The following CTSO variants were observed in gnomAD, a reference collection of about 807,000 sequenced individuals.
CTSO encodes the protein cathepsin O.
CTSO carries 40 observed loss-of-function variants against 42.4 expected under a neutral mutation model. That is an observed-to-expected ratio of 0.94 (90% CI 0.73 to 1.23). The LOEUF (loss-of-function observed/expected upper bound fraction) is 1.23, where lower values mean the gene tolerates loss of function less well. Ranked by LOEUF, CTSO falls within the 50% of genes most tolerant of loss-of-function variation. CTSO has a pLI of 0.00. For synonymous variants in CTSO, 156 were observed against 146.2 expected (o/e 1.07, Z -0.48); for missense variants, 441 against 396.0 (o/e 1.11, Z -0.96).
At chr4:155,953,680 G>T (rs1442803446) in intron 1 of CTSO, 33 bp downstream of exon 1, 1 of 1,255,054 alleles carries the variant, frequency 8.0e-7, no homozygotes, top group South Asian at 3.2e-5. Context: ...TGAGGGAGCA[G>T]GGACAGATCC....
At chr4:155,951,752 G>A (rs1743677579) in intron 1 of CTSO, among the ~76,000 whole-genome samples, 1 of 152,028 alleles carries the variant, frequency 6.6e-6, no homozygotes, top group African/African-American at 2.4e-5. Flanking sequence ...GAAGTTTCAC[G>A]GTTACCAAGG....
intron 3 of CTSO, among the ~76,000 whole-genome samples, chr4:155,939,897 A>C (rs1673972871): frequency 6.6e-6 from 1 of 152,086 alleles, no homozygotes; most frequent in African/African-American, 2.4e-5. Context: ...TTTCTTCTGG[A>C]GAGTGTGTGC....
At chr4:155,948,071 T>TTG (rs1553960508) in intron 1 of CTSO, among the ~76,000 whole-genome samples, 1 of 151,478 alleles carries the variant, frequency 6.6e-6, no homozygotes, top group Non-Finnish European at 1.5e-5. Context: ...TCACCTTTTT[T>TTG]TTGTTGTTGT....
At chr4:155,950,848 C>T (rs1743659836) in intron 1 of CTSO, among the ~76,000 whole-genome samples, 1 of 65,986 alleles carries the variant, frequency 1.5e-5, no homozygotes, top group African/African-American at 4.1e-5. Context: ...ATCCTCCTCA[C>T]CCCACCCCCA....
intron 5 of CTSO, among the ~76,000 whole-genome samples, chr4:155,933,465 A>C (rs926883089): frequency 7.9e-5 from 12 of 152,262 alleles, no homozygotes; most frequent in African/African-American, 2.9e-4. Flanking sequence ...AGATTGGGGC[A>C]CTGCTGAAAA....
At chr4:155,938,775 A>G (rs1743375439) in intron 4 of CTSO, among the ~76,000 whole-genome samples, 1 of 149,696 alleles carries the variant, frequency 6.7e-6, no homozygotes, top group African/African-American at 2.5e-5. Context: ...AAAAACAAAA[A>G]CAAAAAACAA....
intron 5 of CTSO, among the ~76,000 whole-genome samples, chr4:155,931,180 G>A (rs1743227808): frequency 6.6e-6 from 1 of 152,028 alleles, no homozygotes; most frequent in Admixed American, 6.6e-5. Flanking sequence ...GTTCCCCATA[G>A]GATTTAGTGT....
chr4:155,937,163 G>T (rs901105298), intron 5 of CTSO, among the ~76,000 whole-genome samples, 199 bp downstream of exon 5: 1 of 151,982 alleles, frequency 6.6e-6, no homozygotes, highest in African/African-American at 2.4e-5. Flanking sequence ...CTATCGTAAT[G>T]ACACTTGGGA....
At chr4:155,938,865 C>T (rs1441387962) in intron 4 of CTSO, among the ~76,000 whole-genome samples, 1 of 152,052 alleles carries the variant, frequency 6.6e-6, no homozygotes, top group Admixed American at 6.6e-5. Flanking sequence ...GCTGAAGCAG[C>T]AGAAACACTT....
At chr4:155,938,396 G>T (rs1159738458) in intron 4 of CTSO, among the ~76,000 whole-genome samples, 2 of 152,088 alleles carry the variant, frequency 1.3e-5, no homozygotes, top group Non-Finnish European at 2.9e-5. Context: ...TTCAGGTTTG[G>T]GGAACTCTGG....
intron 1 of CTSO, among the ~76,000 whole-genome samples, chr4:155,944,496 A>G (rs1052609513): frequency 6.6e-6 from 1 of 152,222 alleles, no homozygotes; most frequent in African/African-American, 2.4e-5. Context: ...CAGAGGATTC[A>G]TTCATTCAAT....
chr4:155,953,864 TCTG>T, exon 1 of CTSO: 1 of 1,264,664 alleles, frequency 7.9e-7, no homozygotes, highest in Non-Finnish European at 9.9e-7. Context: ...GCCCGGCTCC[TCTG>T]CCGCCCGCGC....
Position 155,943,241 on chromosome 4 carries a change from G to C in CTSO, c.159C>G (p.Tyr53Ter). 6.2e-7 allele frequency: 1 copy of C among 1,608,766 alleles called. No individual in the cohort carries two copies. Among genetic ancestry groups the C allele is most frequent in the Non-Finnish European group, 8.5e-7 (1 of 1,175,610 alleles). ...TTTCACTGGGAAATAAAGAATTCAA[G>C]TATCGATGTCTATTAAGACTTTCCT... is the stretch of plus-strand genomic sequence containing the variant. ...AFRESLNRHR[Y>*]LNSLFPSENS... Residue 53 changes from tyrosine (Y) to a stop codon, truncating the protein, a stop_gained, in exon 2 of 8, where the codon TAC becomes TAG. Transcript: ENST00000433477. LOFTEE classifies it high-confidence loss of function.
At chr4:155,928,252 G>C (rs1743165251) in intron 7 of CTSO, 84 bp downstream of exon 7, 5 of 962,828 alleles carry the variant, frequency 5.2e-6, no homozygotes, top group African/African-American at 1.7e-5. Context: ...TGCTAAAGTG[G>C]TTTGAGTAGA....
chr4:155,948,845 A>G (rs1184920853), intron 1 of CTSO, among the ~76,000 whole-genome samples: 1 of 152,198 alleles, frequency 6.6e-6, no homozygotes, highest in African/African-American at 2.4e-5. Context: ...ACAATCAAAG[A>G]GTAGAAACCC....
chr4:155,926,190 C>T (rs1743126923), intron 7 of CTSO, 120 bp from the exon 8 acceptor site: 1 of 642,582 alleles, frequency 1.6e-6, no homozygotes, highest in African/African-American at 1.9e-5. Context: ...TAATGTAATG[C>T]TTATCACAGC....
intron 5 of CTSO, among the ~76,000 whole-genome samples, chr4:155,932,471 C>A (rs140002264): frequency 6.6e-6 from 1 of 152,246 alleles, no homozygotes; most frequent in East Asian, 1.9e-4. Context: ...CTTTGGAAGA[C>A]CTTCACACAT....
intron 5 of CTSO, among the ~76,000 whole-genome samples, chr4:155,934,285 C>T (rs1227583401): frequency 6.6e-6 from 1 of 152,230 alleles, no homozygotes; most frequent in Admixed American, 6.5e-5. Flanking sequence ...ATTGGGGAAC[C>T]TCCACCTAGA....
chr4:155,929,488 T>C lies in CTSO; in HGVS notation c.838+54A>G, dbSNP rs2110904847. ...AATGTTCTACAGTATGGTGATCATT[T>C]TGCACTCAGTGTCCATGCTGGAAAG... On this transcript the variant is annotated intron_variant, in intron 6 of 7. Coordinates refer to ENST00000433477, the MANE Select transcript of CTSO (RefSeq NM_001334.3). The C allele has an allele frequency of 1.9e-6, 3 of 1,548,738 alleles. No individual in the cohort carries two copies. The East Asian group carries it at 6.8e-5, about 35-fold the overall frequency.
Sources: allele counts gnomAD v4.1 joint callset (sites outside exome capture counted in the v4.1 genomes callset), GRCh38; gene constraint gnomAD v4.1.1; transcripts MANE v1.5; gene names NCBI Gene and HGNC (gene_info 2026-07-23, HGNC 2026-07-21).